GON4L: variants seen among roughly 807,000 people sequenced by gnomAD.
GON4L encodes gon-4 like, also known as GON-4-like protein.
GON4L carries 87 observed loss-of-function variants against 211.8 expected under a neutral mutation model. The observed-to-expected ratio is 0.41, with a 90% CI of 0.35 to 0.49. GON4L has a LOEUF of 0.49. GON4L is among the 20% of genes least tolerant of loss of function. The pLI is 0.15. For missense variants in GON4L, 2,155 were observed against 2,659.5 expected (o/e 0.81, Z 4.17); for synonymous variants, 875 against 962.6 (o/e 0.91, Z 1.68).
chr1:155,768,359 C>A (rs1662784648), intron 19 of GON4L, among the ~76,000 whole-genome samples: 1 of 147,820 alleles, frequency 6.8e-6, no homozygotes, highest in Admixed American at 6.9e-5. Context: ...CCTTGTAATC[C>A]CAGCACTTTG....
intron 2 of GON4L, among the ~76,000 whole-genome samples, chr1:155,849,603 G>A (rs1322397147): frequency 1.0e-4 from 15 of 145,420 alleles, no homozygotes; most frequent in Admixed American, 4.8e-4. Context: ...GTGAAACCCC[G>A]TCTCTACTAA....
At chr1:155,775,295 A>C in intron 16 of GON4L, 122 bp from the exon 17 acceptor site, 1 of 1,299,134 alleles carries the variant, frequency 7.7e-7, no homozygotes, top group Non-Finnish European at 1.1e-6. Context: ...AAAAATCATC[A>C]TAAAGTCTTT....
intron 19 of GON4L, among the ~76,000 whole-genome samples, chr1:155,770,057 A>AT (rs1663026593): frequency 7.3e-6 from 1 of 136,304 alleles, no homozygotes; most frequent in African/African-American, 2.8e-5. Context: ...AAAAAAAAAA[A>AT]ATTAATAGGC....
upstream of GON4L, among the ~76,000 whole-genome samples, chr1:155,858,636 GTTTTT>G (rs60054192): frequency 1.9e-5 from 2 of 107,934 alleles, no homozygotes; most frequent in Non-Finnish European, 3.8e-5. Flanking sequence ...TTCATTAGTT[GTTTTT>G]TTTTTTTTTT....
At chr1:155,795,252 G>C in intron 11 of GON4L, 101 bp from the exon 12 acceptor site, 1 of 759,354 alleles carries the variant, frequency 1.3e-6, no homozygotes, top group Admixed American at 1.9e-5. Flanking sequence ...TTTGAGACAG[G>C]GTCTCACTCT....
chr1:155,824,792 A>G (rs1669042965), intron 3 of GON4L, among the ~76,000 whole-genome samples: 1 of 150,602 alleles, frequency 6.6e-6, no homozygotes, highest in African/African-American at 2.4e-5. Context: ...AAGAAGAAGA[A>G]TTGAATGGGT....
At chr1:155,813,181 T>C (rs1355492794) in intron 10 of GON4L, among the ~76,000 whole-genome samples, 2 of 152,172 alleles carry the variant, frequency 1.3e-5, no homozygotes, top group Non-Finnish European at 2.9e-5. Context: ...CCAGTAGTCC[T>C]ACCACTTTGA....
intron 19 of GON4L, among the ~76,000 whole-genome samples, chr1:155,768,027 G>C (rs868504169): frequency 6.6e-6 from 1 of 152,174 alleles, no homozygotes; most frequent in African/African-American, 2.4e-5. Flanking sequence ...AGTAAATGAA[G>C]GTTGGGCGTG....
downstream of GON4L, chr1:155,748,922 A>T (rs1375060049): frequency 1.2e-5 from 11 of 911,284 alleles, no homozygotes; most frequent in Non-Finnish European, 1.3e-5. Context: ...GGCTTTGAAT[A>T]TCTTGATCCA....
intron 29 of GON4L, 71 bp downstream of exon 29, chr1:155,753,133 T>G: frequency 8.6e-7 from 1 of 1,169,114 alleles, no homozygotes; most frequent in Non-Finnish European, 1.3e-6. Flanking sequence ...TCCAGGCTCA[T>G]GGAGGTTCCT....
At chr1:155,759,021 G>C (rs192842155) in intron 24 of GON4L, among the ~76,000 whole-genome samples, 1 of 151,910 alleles carries the variant, frequency 6.6e-6, no homozygotes, top group African/African-American at 2.4e-5. Flanking sequence ...TTTGAGACAA[G>C]GTCTTGCTCT....
intron 10 of GON4L, among the ~76,000 whole-genome samples, chr1:155,811,962 G>A (rs1667831424): frequency 6.6e-6 from 1 of 151,516 alleles, no homozygotes; most frequent in African/African-American, 2.4e-5. Flanking sequence ...TAACGCAGGA[G>A]AATCACTTGA....
intron 1 of GON4L, among the ~76,000 whole-genome samples, chr1:155,856,896 G>A (rs538796853): frequency 5.9e-5 from 9 of 152,208 alleles, no homozygotes; most frequent in African/African-American, 2.2e-4. Flanking sequence ...GTGAATGAAT[G>A]CCAATGTGGA....
chr1:155,827,111 TTTTTAGG>T (rs1458577758), intron 2 of GON4L, 83 bp from the exon 3 acceptor site: 1 of 1,027,356 alleles, frequency 9.7e-7, no homozygotes, highest in Non-Finnish European at 1.5e-6. Flanking sequence ...TATTATAGTG[TTTTTAGG>T]TAGACAACTT....
chr1:155,800,038 T>C (rs907106039), intron 11 of GON4L, among the ~76,000 whole-genome samples: 1 of 152,042 alleles, frequency 6.6e-6, no homozygotes, highest in Non-Finnish European at 1.5e-5. Flanking sequence ...CCATCTCTAC[T>C]AAAAATACAA....
At chr1:155,846,578 G>A (rs1345777942) in intron 2 of GON4L, 5 of 150,822 alleles carry the variant, frequency 3.3e-5, no homozygotes, top group Non-Finnish European at 7.4e-5. Context: ...TACAAAAGAC[G>A]ACAAAGAGAA....
Position 155,765,659 on chromosome 1 carries a change from G to A in GON4L, c.3814C>T (p.Pro1272Ser), listed in dbSNP as rs774512112. The part of the protein sequence containing the change: ...FPKVEHSPGP[P>S]LADAECQEGL... ...TCTTGGCACTCTGCATCTGCTAGTGGAGGCCCTGGGCTATGTTCCACTTTC... is the reference window on the plus strand; with the variant it reads ...TCTTGGCACTCTGCATCTGCTAGTGAAGGCCCTGGGCTATGTTCCACTTTC... The change falls in exon 21 of 32, where the codon CCA becomes TCA. Residue 1272 changes from proline (P) to serine (S), a missense_variant. Physicochemically the swap from Pro to Ser is moderately conservative, Grantham distance 74 (BLOSUM62 -1). This residue lies in a region of GON4L where 615 missense variants were observed against 625.7 expected (regional missense o/e 0.98). Transcript: ENST00000368331. 34 of 1,614,184 alleles carry A rather than the reference G, an allele frequency of 2.1e-5. No homozygotes were observed. The highest frequency in any genetic ancestry group is 2.9e-5 in the Non-Finnish European group (34 of 1,180,046).
At position 155,765,386 on chromosome 1, in the gene GON4L, C is replaced by T. The variant is rs368340148; in HGVS notation, c.4087G>A (p.Glu1363Lys). 21 of 1,614,168 alleles carry T rather than the reference C, an allele frequency of 1.3e-5. No individual in the cohort carries two copies. Among genetic ancestry groups the T allele is most frequent in the Admixed American group, 3.3e-5 (2 of 60,020 alleles). ...AVELDTGAPS[E>K]ELSSAGEVTK... Reference sequence around the variant, plus strand: ...ACTTCTCCAGCACTGCTCAACTCCTCGCTTGGGGCACCAGTGTCCAATTCC... The same window carrying T: ...ACTTCTCCAGCACTGCTCAACTCCTTGCTTGGGGCACCAGTGTCCAATTCC... The change falls in exon 21 of 32, where the codon GAG becomes AAG. Residue 1363 changes from glutamate to lysine, a missense_variant. Glu to Lys is a moderately conservative substitution (Grantham distance 56). Coordinates refer to ENST00000368331, the MANE Select transcript of GON4L (RefSeq NM_001282860.2).
chr1:155,823,237 C>A (rs757537552), intron 3 of GON4L, among the ~76,000 whole-genome samples: 1 of 152,132 alleles, frequency 6.6e-6, no homozygotes, highest in African/African-American at 2.4e-5. Context: ...CCCAACTGTA[C>A]ATATTTTTCA....
Sources: gnomAD v4.1 joint callset for allele counts (sites outside exome capture counted in the v4.1 genomes callset) on GRCh38, gnomAD v4.1.1 for gene constraint, gnomAD v4.1.1 regional missense constraint, MANE v1.5 for transcripts, NCBI Gene and HGNC (gene_info 2026-07-23, HGNC 2026-07-21) for gene names.